SPHKAP: variants seen among roughly 807,000 people sequenced by gnomAD.
The protein encoded by SPHKAP is A-kinase anchor protein SPHKAP.
In SPHKAP, 67 loss-of-function variants were observed where a neutral mutation model predicts 137.5. The observed-to-expected ratio is 0.49, with a 90% CI of 0.40 to 0.60. SPHKAP has a LOEUF of 0.60. Among genes scored for constraint, SPHKAP ranks in the 20% least tolerant of loss-of-function variants. SPHKAP has a pLI of 0.00. For missense variants in SPHKAP, 2,097 were observed against 2,069.3 expected (o/e 1.01, Z -0.26); for synonymous variants, 813 against 785.3 (o/e 1.04, Z -0.59).
At chr2:228,051,922 A>G (rs1309343378) in intron 3 of SPHKAP, among the ~76,000 whole-genome samples, 1 of 152,064 alleles carries the variant, frequency 6.6e-6, no homozygotes, top group Non-Finnish European at 1.5e-5. Context: ...TTCAGCCTTC[A>G]TGACCTAATC....
chr2:228,012,237 A>C (rs186245468), intron 7 of SPHKAP, among the ~76,000 whole-genome samples: 1 of 151,444 alleles, frequency 6.6e-6, no homozygotes, highest in African/African-American at 2.4e-5. Context: ...TACATTCACC[A>C]TTCTGGGCAA....
intron 1 of SPHKAP, among the ~76,000 whole-genome samples, chr2:228,170,646 T>C (rs1308917514): frequency 6.6e-6 from 1 of 152,132 alleles, no homozygotes; most frequent in Non-Finnish European, 1.5e-5. Context: ...TTTTTTAAAT[T>C]AAGATATGTA....
In SPHKAP at chr2:228,179,490, G is replaced by A. The variant is rs150016221; in HGVS notation, c.32+2077C>T. Among the ~76,000 whole-genome samples, 485 of 152,200 alleles carry A rather than the reference G, an allele frequency of 3.2e-3. 3 individuals are homozygous for A. Among genetic ancestry groups the A allele is most frequent in the Non-Finnish European group, 5.5e-3 (375 of 68,016 alleles). On this transcript the variant is annotated intron_variant, in intron 1 of 11. Coordinates refer to ENST00000392056, the MANE Select transcript of SPHKAP (RefSeq NM_001142644.2). ...TGTTTCTTGTATACAATGAAATAGA[G>A]GATTGAATCAACTCATGTACAGGAG...
chr2:227,981,742 A>G lies in SPHKAP; in HGVS notation c.5078T>C (p.Phe1693Ser). Residue 1693 changes from phenylalanine to serine, a missense_variant, in exon 12 of 12, where the codon TTT becomes TCT. Coordinates refer to ENST00000392056, the MANE Select transcript of SPHKAP (RefSeq NM_001142644.2). The stretch of plus-strand genomic sequence containing the variant: ...TTATCCCAGTTCCAAGAGCCAGTCA[A>G]AGAGACTCAGTCTCCCATCCTTCTG... ...EEQKDGRLSLFDWLLELG is the reference protein window; with the variant it reads ...EEQKDGRLSLSDWLLELG 1 of 1,613,626 alleles carries G rather than the reference A, an allele frequency of 6.2e-7. No individual in the cohort carries two copies.
chr2:228,104,374 ATAT>A (rs914268379), intron 3 of SPHKAP, among the ~76,000 whole-genome samples: 2 of 143,304 alleles, frequency 1.4e-5, no homozygotes, highest in Non-Finnish European at 3.0e-5. Flanking sequence ...AAATATCATT[ATAT>A]TATATTATTA....
intron 3 of SPHKAP, among the ~76,000 whole-genome samples, chr2:228,039,897 C>T (rs1695773402): frequency 6.6e-6 from 1 of 152,122 alleles, no homozygotes; most frequent in African/African-American, 2.4e-5. Flanking sequence ...TTAGACTATT[C>T]TGATAGTGAA....
At chr2:228,171,755 A>C (rs887280809) in intron 1 of SPHKAP, among the ~76,000 whole-genome samples, 2 of 152,158 alleles carry the variant, frequency 1.3e-5, no homozygotes, top group African/African-American at 4.8e-5. Context: ...AATGTAAGGA[A>C]GGCAGGAACT....
chr2:228,023,434 T>G (rs1300665471), intron 5 of SPHKAP, among the ~76,000 whole-genome samples: 1 of 152,196 alleles, frequency 6.6e-6, no homozygotes, highest in East Asian at 1.9e-4. Flanking sequence ...ATGAATCTGT[T>G]GGAGATGTGT....
chr2:228,167,383 A>G (rs1349691978), intron 1 of SPHKAP, among the ~76,000 whole-genome samples: 3 of 152,184 alleles, frequency 2.0e-5, no homozygotes, highest in Admixed American at 6.6e-5. Flanking sequence ...AATTAACACA[A>G]GTGAAGTCAA....
Position 228,021,969 on chromosome 2 carries a change from A to T in SPHKAP, c.442-3T>A. 1 of 1,578,714 alleles carries T rather than the reference A, an allele frequency of 6.3e-7. No individual in the cohort carries two copies. The stretch of plus-strand genomic sequence containing the variant: ...CAGATATCTGGCAGCCAAGGGCACT[A>T]AAAGTGGAGAGAAAAGAAGGCATTT... On this transcript the variant is annotated splice_region_variant and splice_polypyrimidine_tract_variant and intron_variant, in intron 5 of 11. Transcript: ENST00000392056.
At chr2:228,069,522 G>C (rs931556195) in intron 3 of SPHKAP, among the ~76,000 whole-genome samples, 1 of 148,790 alleles carries the variant, frequency 6.7e-6, no homozygotes, top group African/African-American at 2.5e-5. Context: ...TGGGCTTCAA[G>C]AGAGCCTTCT....
Position 228,147,588 on chromosome 2 carries a change from C to T in SPHKAP, c.33-15503G>A, listed in dbSNP as rs73997215. Among the ~76,000 whole-genome samples, 336 of 152,204 alleles carry T rather than the reference C, an allele frequency of 2.2e-3. 1 individual carries two copies. Among genetic ancestry groups the T allele is most frequent in the African/African-American group, 8.0e-3 (331 of 41,552 alleles). On this transcript the variant is annotated intron_variant, in intron 1 of 11. Transcript: ENST00000392056. The stretch of plus-strand genomic sequence containing the variant: ...AGTCAGAAGACTGGAACTTGGGTCC[C>T]GACTGTCACTTTTACGAGTTCGACC...
chr2:228,159,329 G>T lies in SPHKAP; in HGVS notation c.32+22238C>A, dbSNP rs190702772. Among the ~76,000 whole-genome samples, 3 of 152,278 alleles carry T rather than the reference G, an allele frequency of 2.0e-5. No homozygotes were observed. The East Asian group carries it at 5.8e-4, about 29-fold the overall frequency. On this transcript the variant is annotated intron_variant, in intron 1 of 11. Coordinates refer to ENST00000392056, the MANE Select transcript of SPHKAP (RefSeq NM_001142644.2). ...GGAGTTTTTAAGAGCAGGGTTGGGGGTGAGAATGAAAACCGTAGGCCATCT... is the reference window on the plus strand; with the variant it reads ...GGAGTTTTTAAGAGCAGGGTTGGGGTTGAGAATGAAAACCGTAGGCCATCT...
chr2:227,994,180 C>G, intron 8 of SPHKAP: 2 of 514,964 alleles, frequency 3.9e-6, no homozygotes, highest in Non-Finnish European at 5.0e-6. Context: ...ACCATAAGTA[C>G]AAAGCTGGGC....
At chr2:228,129,749 C>T (rs1184343962) in intron 2 of SPHKAP, among the ~76,000 whole-genome samples, 2 of 150,624 alleles carry the variant, frequency 1.3e-5, no homozygotes, top group East Asian at 1.9e-4. Flanking sequence ...TATATATATG[C>T]TAATGAAGTC....
chr2:228,013,217 C>T (rs902606078), intron 7 of SPHKAP, among the ~76,000 whole-genome samples: 11 of 152,162 alleles, frequency 7.2e-5, no homozygotes, highest in South Asian at 4.1e-4. Context: ...TGGAAATCCT[C>T]GTTTTAATAA....
chr2:228,115,161 A>C (rs571662245), intron 2 of SPHKAP, among the ~76,000 whole-genome samples: 19 of 152,210 alleles, frequency 1.2e-4, no homozygotes, highest in African/African-American at 3.6e-4. Context: ...TACTCCCATC[A>C]ATCATTTTCC....
At chr2:228,173,068 T>C (rs1700633368) in intron 1 of SPHKAP, 1 of 985,426 alleles carries the variant, frequency 1.0e-6, no homozygotes, top group Non-Finnish European at 1.2e-6. Context: ...TCCATCCTGA[T>C]CTGGTTTTAT....
At chr2:228,056,428 G>A (rs558112262) in intron 3 of SPHKAP, among the ~76,000 whole-genome samples, 1 of 152,238 alleles carries the variant, frequency 6.6e-6, no homozygotes, top group African/African-American at 2.4e-5. Flanking sequence ...GTTGTCTTTG[G>A]TTGGGAGCTA....
Sources: allele counts gnomAD v4.1 joint callset (sites outside exome capture counted in the v4.1 genomes callset), GRCh38; gene constraint gnomAD v4.1.1; transcripts MANE v1.5; gene names NCBI Gene and HGNC (gene_info 2026-07-23, HGNC 2026-07-21).